Variants in RBL1 observed in about 807,000 individuals in gnomAD.
RBL1 encodes the protein retinoblastoma-like protein 1.
RBL1 carries 82 observed loss-of-function variants against 123.0 expected under a neutral mutation model. The observed-to-expected ratio is 0.67, with a 90% CI of 0.56 to 0.80. RBL1 has a LOEUF of 0.80. Ranked by LOEUF, RBL1 falls within the 30% of genes least tolerant of loss-of-function variation. RBL1 has a pLI of 0.00. For missense variants in RBL1, 1,171 were observed against 1,299.6 expected, an observed-to-expected ratio of 0.90 and a Z score of 1.52; for synonymous variants, 405 against 441.3, an observed-to-expected ratio of 0.92 and a Z score of 1.03.
intron 11 of RBL1, among the ~76,000 whole-genome samples, chr20:37,051,014 GT>G (rs552033092): frequency 2.6e-5 from 4 of 151,052 alleles, no homozygotes; most frequent in African/African-American, 4.9e-5. Flanking sequence ...CTTTTTTTAA[GT>G]TTTTTTTTGT....
chr20:37,020,724 T>C lies in RBL1; in HGVS notation c.2566A>G (p.Lys856Glu). Residue 856 changes from lysine to glutamate, a missense_variant, in exon 18 of 22, where the codon AAA (lysine) becomes GAA (glutamate). By Grantham distance (56) the Lys-to-Glu change is moderately conservative. Coordinates refer to ENST00000373664, the MANE Select transcript of RBL1 (RefSeq NM_002895.5). ...ATTTCTTGAAAAGTTCTTTCTTCTT[T>C]TGTTACCTAAGGAAAATAAAAACCG... ...CAFYIMAKVT[K>E]EERTFQEIMK... 4 of 1,575,362 alleles carry C rather than the reference T, an allele frequency of 2.5e-6. No homozygotes were observed. The highest frequency in any genetic ancestry group is 3.5e-6 in the Non-Finnish European group (4 of 1,155,150).
At chr20:37,072,041 GA>G (rs1347240724) in intron 2 of RBL1, among the ~76,000 whole-genome samples, 1 of 152,100 alleles carries the variant, frequency 6.6e-6, no homozygotes, top group Non-Finnish European at 1.5e-5. Context: ...TCAAACTCTG[GA>G]CATGCTGATA....
chr20:37,064,935 T>G (rs533776293), intron 7 of RBL1, among the ~76,000 whole-genome samples: 1 of 151,104 alleles, frequency 6.6e-6, no homozygotes, highest in African/African-American at 2.4e-5. Context: ...CTCTTTCTTT[T>G]TTTTTTTTTT....
intron 16 of RBL1, 23 bp downstream of exon 16, chr20:37,032,642 T>TAA: frequency 6.2e-7 from 1 of 1,612,226 alleles, no homozygotes; most frequent in Non-Finnish European, 8.5e-7. Context: ...CAAATTCTTC[T>TAA]AAAGTGCTAT....
chr20:37,046,918 T>C, intron 12 of RBL1, 135 bp downstream of exon 12: 2 of 1,290,562 alleles, frequency 1.5e-6, no homozygotes, highest in South Asian at 4.0e-5. Context: ...TAGCCAGGAA[T>C]ATATATTTTC....
Position 37,095,865 on chromosome 20 carries a change from G to A in RBL1, c.64C>T (p.Gln22Ter), listed in dbSNP as rs2065730685. 6.2e-7 allele frequency: 1 copy of A among 1,606,814 alleles called. No homozygotes were observed. ...AGGTTCAGCTCCTGGCACAGGGCCTGTAGCGCCTCCCCGGCTGCGGCGACC... is the reference window on the plus strand; with the variant it reads ...AGGTTCAGCTCCTGGCACAGGGCCTATAGCGCCTCCCCGGCTGCGGCGACC... ...AVVAAAGEAL[Q>*]ALCQELNLDE... Residue 22 changes from glutamine (Q) to a stop codon, truncating the protein, a stop_gained, in exon 1 of 22, where the codon CAG (glutamine) becomes TAG (stop). Coordinates refer to ENST00000373664, the MANE Select transcript of RBL1 (RefSeq NM_002895.5). LOFTEE classifies it high-confidence loss of function.
At chr20:37,048,513 A>G (rs138451823) in intron 11 of RBL1, among the ~76,000 whole-genome samples, 197 of 152,276 alleles carry the variant, frequency 1.3e-3, no homozygotes, top group African/African-American at 4.6e-3. Context: ...AGATTTACAG[A>G]TATGTCTCTG....
rs535887562 is a variant in RBL1 at position 36,997,649 on chromosome 20, TA to T, written c.*1109del. The T allele has an allele frequency of 9.8e-5, 15 of 152,298 alleles. No homozygotes were observed. In the South Asian group the frequency reaches 2.1e-3, roughly 21 times the overall value. The allele number at this position is 152,298 out of a possible 1,614,324, so 9.4% of individuals were successfully genotyped here. On this transcript the variant is annotated 3_prime_UTR_variant, in exon 22 of 22. Coordinates refer to ENST00000373664, the MANE Select transcript of RBL1 (RefSeq NM_002895.5). ...CATAATCATGGTGTTACCTTACTAA[TA>T]GGAATTTAGTTTTTAATAACTAACT...
intron 11 of RBL1, among the ~76,000 whole-genome samples, chr20:37,050,676 A>AGT (rs760210239): frequency 2.0e-5 from 3 of 152,022 alleles, no homozygotes; most frequent in Non-Finnish European, 4.4e-5. Context: ...AAGATAAATC[A>AGT]GTGGGCAATG....
At chr20:37,023,777 A>ATTTTTT (rs11371156) in intron 16 of RBL1, among the ~76,000 whole-genome samples, 6 of 125,508 alleles carry the variant, frequency 4.8e-5, no homozygotes, top group Non-Finnish European at 7.9e-5. Flanking sequence ...TATTCAAACT[A>ATTTTTT]TTTTTTTTTT....
intron 19 of RBL1, among the ~76,000 whole-genome samples, chr20:37,008,714 G>A (rs556734934): frequency 4.6e-5 from 7 of 152,230 alleles, no homozygotes; most frequent in Admixed American, 3.9e-4. Context: ...TAGAAGCAAT[G>A]CCTTCACCTT....
intron 2 of RBL1, among the ~76,000 whole-genome samples, chr20:37,088,038 G>C (rs1360744500): frequency 6.6e-6 from 1 of 152,204 alleles, no homozygotes; most frequent in East Asian, 1.9e-4. Flanking sequence ...GCTGAGGCGG[G>C]TGGATCACCT....
intron 16 of RBL1, among the ~76,000 whole-genome samples, chr20:37,031,508 C>A (rs1430704625): frequency 1.3e-5 from 2 of 152,084 alleles, no homozygotes; most frequent in Non-Finnish European, 2.9e-5. Flanking sequence ...TCTCTTTATA[C>A]CCATTGGATG....
At chr20:37,016,967 G>A (rs1250638996) in intron 19 of RBL1, among the ~76,000 whole-genome samples, 1 of 151,242 alleles carries the variant, frequency 6.6e-6, no homozygotes. Flanking sequence ...GAAGAAGAGA[G>A]GAAAGGAGAG....
rs1392605500 is a variant in RBL1, at chr20:37,010,758, CTATGTG to C, written c.2723-3205_2723-3200del. On this transcript the variant is annotated intron_variant, in intron 19 of 21. Transcript: ENST00000373664. ...TCAAACATCATTATATGGCACATGA[CTATGTG>C]TGTGTGTGTGTGTGTGTGTGTGTGT... Among the ~76,000 whole-genome samples, 559 of 143,548 alleles carry C rather than the reference CTATGTG, an allele frequency of 3.9e-3. 3 individuals are homozygous for C. Among genetic ancestry groups the C allele is most frequent in the African/African-American group, 0.015 (532 of 35,166 alleles). 94.2% of individuals were successfully genotyped at this position (143,548 alleles called of 152,430 possible).
At position 37,095,942 on chromosome 20, in the gene RBL1, G is replaced by A. The variant is rs1306641346; in HGVS notation, c.-14C>T. 4.0e-6 allele frequency: 6 copies of A among 1,517,368 alleles called. No individual in the cohort carries two copies. In the South Asian group the frequency reaches 7.4e-5, roughly 19 times the overall value. 94.0% of individuals were successfully genotyped at this position (1,517,368 alleles called of 1,614,324 possible). On this transcript the variant is annotated 5_prime_UTR_variant, in exon 1 of 22. Transcript: ENST00000373664. ...GTCCTCGAACATCCCTTCAGGCCCC[G>A]CGGGCTGCGCGCCACGGCCCCCGAC... is the stretch of plus-strand genomic sequence containing the variant.
chr20:37,075,167 G>C (rs1198122730), intron 2 of RBL1, among the ~76,000 whole-genome samples: 1 of 152,178 alleles, frequency 6.6e-6, no homozygotes, highest in Non-Finnish European at 1.5e-5. Context: ...AAACTCTATA[G>C]AGACAGAAGT....
At chr20:37,077,088 C>T (rs557236834) in intron 2 of RBL1, among the ~76,000 whole-genome samples, 1 of 152,172 alleles carries the variant, frequency 6.6e-6, no homozygotes, top group African/African-American at 2.4e-5. Flanking sequence ...AGGCGCCTGC[C>T]ACCAAGCTCG....
intron 16 of RBL1, among the ~76,000 whole-genome samples, chr20:37,024,889 G>C (rs958593185): frequency 3.3e-5 from 5 of 152,300 alleles, no homozygotes; most frequent in Non-Finnish European, 7.3e-5. Flanking sequence ...ACAGAGGAGA[G>C]AAGCCAGTAA....
Sources: allele counts gnomAD v4.1 joint callset (sites outside exome capture counted in the v4.1 genomes callset), GRCh38; gene constraint gnomAD v4.1.1; transcripts MANE v1.5; gene names NCBI Gene and HGNC (gene_info 2026-07-23, HGNC 2026-07-21).